The following EYS variants were observed in gnomAD, a reference collection of about 807,000 sequenced individuals.
EYS encodes the protein EGF-like photoreceptor maintenance factor.
Under a neutral mutation model 282.1 loss-of-function variants are expected in EYS, and 250 were observed. The observed-to-expected ratio is 0.89, with a 90% confidence interval of 0.80 to 0.98. The LOEUF is 0.98. Ranked by LOEUF, EYS falls within the 50% of genes least tolerant of loss-of-function variation. EYS has a pLI of 0.00. For missense variants in EYS, 4,016 were observed against 3,709.0 expected, an observed-to-expected ratio of 1.08 and a Z score of -2.15; for synonymous variants, 1,355 against 1,282.9, an observed-to-expected ratio of 1.06 and a Z score of -1.20.
chr6:64,643,214 G>A (rs564130431), intron 22 of EYS, among the ~76,000 whole-genome samples: 95 of 152,048 alleles, frequency 6.2e-4, no homozygotes, highest in African/African-American at 2.3e-3. Flanking sequence ...GAGAAGACAT[G>A]TGCTTTTATC....
At chr6:64,220,977 A>G (rs1766083208) in intron 31 of EYS, among the ~76,000 whole-genome samples, 1 of 152,126 alleles carries the variant, frequency 6.6e-6, no homozygotes, top group Admixed American at 6.6e-5. Flanking sequence ...TGAGGATTAA[A>G]TGAGTCACTG....
chr6:64,412,702 A>G (rs1273932929), intron 28 of EYS: 4 of 152,162 alleles, frequency 2.6e-5, no homozygotes, highest in Admixed American at 1.3e-4. Context: ...CATGGCCACT[A>G]TATCACAAAT....
intron 36 of EYS, among the ~76,000 whole-genome samples, chr6:63,831,706 C>T (rs1184583044): frequency 2.0e-5 from 3 of 152,162 alleles, no homozygotes; most frequent in Non-Finnish European, 4.4e-5. Context: ...CAGCTCTGCA[C>T]TAAGCAGACA....
intron 26 of EYS, among the ~76,000 whole-genome samples, chr6:64,511,673 C>T (rs1309816124): frequency 1.3e-5 from 2 of 152,040 alleles, no homozygotes. Flanking sequence ...TACATCCTCT[C>T]AGAGATAGGG....
At chr6:64,839,833 C>T (rs1162444668) in intron 19 of EYS, among the ~76,000 whole-genome samples, 1 of 151,990 alleles carries the variant, frequency 6.6e-6, no homozygotes, top group Non-Finnish European at 1.5e-5. Flanking sequence ...AAGGGTCTAC[C>T]TTCCAGCCTT....
intron 29 of EYS, among the ~76,000 whole-genome samples, chr6:64,380,113 A>ATT (rs11421993): frequency 4.7e-4 from 71 of 150,732 alleles, no homozygotes; most frequent in Admixed American, 7.9e-4. Flanking sequence ...TGCAACTTCA[A>ATT]TTTTTTTTTT....
At chr6:65,652,965 G>A (rs545015468) in intron 1 of EYS, among the ~76,000 whole-genome samples, 1 of 152,018 alleles carries the variant, frequency 6.6e-6, no homozygotes, top group South Asian at 2.1e-4. Flanking sequence ...CCAGTAGGAA[G>A]TCACTACCAA....
intron 22 of EYS, among the ~76,000 whole-genome samples, chr6:64,667,271 TA>T (rs1769267150): frequency 6.6e-6 from 1 of 151,244 alleles, no homozygotes; most frequent in Non-Finnish European, 1.5e-5. Flanking sequence ...ATATAAAAAT[TA>T]ATTTATTTGA....
intron 27 of EYS, among the ~76,000 whole-genome samples, chr6:64,438,927 T>A (rs749779010): frequency 1.3e-5 from 2 of 151,728 alleles, no homozygotes; most frequent in Non-Finnish European, 3.0e-5. Flanking sequence ...ATTTTTTGAA[T>A]AAGTTGTTAA....
At chr6:64,268,082 A>AT (rs965394817) in intron 30 of EYS, among the ~76,000 whole-genome samples, 14 of 151,530 alleles carry the variant, frequency 9.2e-5, no homozygotes, top group East Asian at 7.7e-4. Context: ...TAATCACAGC[A>AT]TTTTTTTTTC....
chr6:64,344,199 T>C (rs964408798), intron 29 of EYS, among the ~76,000 whole-genome samples: 6 of 152,144 alleles, frequency 3.9e-5, no homozygotes, highest in African/African-American at 1.4e-4. Flanking sequence ...CCTCCCTAAC[T>C]CATTTCATGA....
chr6:64,486,948 A>C (rs775205294), intron 26 of EYS, among the ~76,000 whole-genome samples: 2 of 151,536 alleles, frequency 1.3e-5, no homozygotes, highest in African/African-American at 2.4e-5. Context: ...TAGAAAATAC[A>C]GGTCACTATA....
intron 5 of EYS, among the ~76,000 whole-genome samples, chr6:65,415,093 A>C (rs1401676826): frequency 1.3e-5 from 2 of 152,172 alleles, no homozygotes; most frequent in African/African-American, 4.8e-5. Flanking sequence ...AGACTGAATT[A>C]ATTAAAGATT....
chr6:65,212,235 C>T (rs977688318), intron 12 of EYS, among the ~76,000 whole-genome samples: 11 of 151,620 alleles, frequency 7.3e-5, no homozygotes, highest in Non-Finnish European at 1.5e-4. Context: ...AGAATACAAA[C>T]AAAATGATGA....
chr6:63,949,947 G>T (rs1765518876), intron 35 of EYS, among the ~76,000 whole-genome samples: 1 of 152,162 alleles, frequency 6.6e-6, no homozygotes, highest in Admixed American at 6.5e-5. Flanking sequence ...GCCAAGGCAG[G>T]TGGATCACGA....
At chr6:64,791,245 G>A (rs945384124) in intron 22 of EYS, among the ~76,000 whole-genome samples, 8 of 151,620 alleles carry the variant, frequency 5.3e-5, no homozygotes, top group African/African-American at 9.7e-5. Context: ...TCAGCAAGAC[G>A]AAAAAATACA....
chr6:63,818,676 C>T (rs1160189379), intron 36 of EYS, among the ~76,000 whole-genome samples: 1 of 152,180 alleles, frequency 6.6e-6, no homozygotes, highest in Non-Finnish European at 1.5e-5. Flanking sequence ...ACATTCCAGG[C>T]CACCACACTC....
At chr6:64,846,500 A>T (rs1765719484) in intron 19 of EYS, among the ~76,000 whole-genome samples, 1 of 152,180 alleles carries the variant, frequency 6.6e-6, no homozygotes, top group South Asian at 2.1e-4. Context: ...GATCTAAATT[A>T]TCTCAAGTAT....
At chr6:64,767,263 G>T (rs1583134576) in intron 22 of EYS, among the ~76,000 whole-genome samples, 1 of 152,108 alleles carries the variant, frequency 6.6e-6, no homozygotes, top group Non-Finnish European at 1.5e-5. Flanking sequence ...CATTTATTAT[G>T]TCTTTGTATT....
Sources: gnomAD v4.1 joint callset for allele counts (sites outside exome capture counted in the v4.1 genomes callset) on GRCh38, gnomAD v4.1.1 for gene constraint, MANE v1.5 for transcripts, NCBI Gene and HGNC (gene_info 2026-07-23, HGNC 2026-07-21) for gene names.